The following CRLF3 variants were observed in gnomAD, a reference collection of about 807,000 sequenced individuals.
The protein encoded by CRLF3 is cytokine receptor-like factor 3.
Under a neutral mutation model 55.0 loss-of-function variants are expected in CRLF3, and 33 were observed. That is an observed-to-expected ratio of 0.60 (90% CI 0.46 to 0.80). The LOEUF is 0.80. Among genes scored for constraint, CRLF3 ranks in the 30% least tolerant of loss-of-function variants. The pLI is 0.00. For synonymous variants in CRLF3, 238 were observed against 196.8 expected (o/e 1.21, Z -1.75); for missense variants, 494 against 538.4 (o/e 0.92, Z 0.82).
chr17:30,798,071 C>T lies in CRLF3; in HGVS notation c.338-673G>A, dbSNP rs374404509. Reference sequence around the variant, plus strand: ...ATCATATATCAGATTACAAATTATTCAACAGAACAATAAAAAGAAAATGTC... The same window carrying T: ...ATCATATATCAGATTACAAATTATTTAACAGAACAATAAAAAGAAAATGTC... On this transcript the variant is annotated intron_variant, in intron 2 of 7. Transcript: ENST00000324238. 7.9e-5 allele frequency among the ~76,000 whole-genome samples: 12 copies of T among 150,984 alleles called. 1 individual carries two copies. The highest frequency in any genetic ancestry group is 2.7e-4 in the African/African-American group (11 of 41,142).
chr17:30,793,672 C>A lies in CRLF3; in HGVS notation c.604G>T (p.Val202Leu). The A allele has an allele frequency of 6.2e-7, 1 of 1,603,260 alleles. No homozygotes were observed. The highest frequency in any genetic ancestry group is 8.5e-7 in the Non-Finnish European group (1 of 1,171,646). Residue 202 changes from valine to leucine, a missense_variant and splice_region_variant, in exon 5 of 8, where the codon GTG (valine) becomes TTG (leucine). Physicochemically the swap from Val to Leu is conservative, Grantham distance 32. Coordinates refer to ENST00000324238, the MANE Select transcript of CRLF3 (RefSeq NM_015986.4). ...PGGIIVRWCK[V>L]DDDFTAQDYR... The stretch of plus-strand genomic sequence containing the variant: ...TCTTGGGCTGTAAAGTCATCATCCA[C>A]CTAGGGAGAAAAGCTTTATGTTAGG...
chr17:30,792,257 G>A (rs762375080), intron 6 of CRLF3, 183 bp downstream of exon 6: 10 of 517,438 alleles, frequency 1.9e-5, no homozygotes, highest in Non-Finnish European at 2.8e-5. Flanking sequence ...GTTAATCTAC[G>A]TAATAACCCT....
intron 1 of CRLF3, among the ~76,000 whole-genome samples, chr17:30,814,925 C>T (rs536656686): frequency 2.0e-4 from 31 of 151,836 alleles, no homozygotes; most frequent in Middle Eastern, 3.4e-3. Context: ...CACTTGAACC[C>T]CCGGGAGGCG....
At chr17:30,794,939 A>C (rs1182264099) in intron 4 of CRLF3, among the ~76,000 whole-genome samples, 1 of 152,204 alleles carries the variant, frequency 6.6e-6, no homozygotes, top group Non-Finnish European at 1.5e-5. Context: ...ATCTTGTGGA[A>C]AGTTTGTTAT....
rs76715566 is a variant in CRLF3, at chr17:30,812,968, T to C, written c.130-8860A>G. ...CTAATACTAAGTCTCCAAATATAAA[T>C]GAATGTTCTCTGTCAGACATTCCAG... On this transcript the variant is annotated intron_variant, in intron 1 of 7. Coordinates refer to ENST00000324238, the MANE Select transcript of CRLF3 (RefSeq NM_015986.4). Among the ~76,000 whole-genome samples, 1,321 of 152,220 alleles carry C rather than the reference T, an allele frequency of 8.7e-3. 20 individuals carry two copies. Among genetic ancestry groups the C allele is most frequent in the African/African-American group, 0.03 (1,243 of 41,540 alleles).
At chr17:30,785,017 G>A (rs75077758) in intron 7 of CRLF3, 19,232 of 151,644 alleles carry the variant, frequency 0.13, 1,271 homozygotes, top group South Asian at 0.25. Flanking sequence ...CAAAGTGCTA[G>A]GATTACAGGC....
chr17:30,822,807 A>G (rs1210177326), intron 1 of CRLF3, among the ~76,000 whole-genome samples: 1 of 152,220 alleles, frequency 6.6e-6, no homozygotes, highest in Admixed American at 6.6e-5. Flanking sequence ...TCATGGTCAT[A>G]TAGAATACAT....
chr17:30,798,857 A>C (rs1170929194), intron 2 of CRLF3, among the ~76,000 whole-genome samples: 1 of 151,660 alleles, frequency 6.6e-6, no homozygotes, highest in Non-Finnish European at 1.5e-5. Context: ...GTAAATAAAT[A>C]AATAAAATCC....
chr17:30,807,433 A>AAAAATGCCCAT (rs1904441743), intron 1 of CRLF3, among the ~76,000 whole-genome samples: 1 of 152,066 alleles, frequency 6.6e-6, no homozygotes, highest in Non-Finnish European at 1.5e-5. Flanking sequence ...TGTAAAAACA[A>AAAAATGCCCAT]AAAATGCCCA....
At chr17:30,822,300 CAT>C (rs1268616869) in intron 1 of CRLF3, among the ~76,000 whole-genome samples, 1 of 152,040 alleles carries the variant, frequency 6.6e-6, no homozygotes, top group Non-Finnish European at 1.5e-5. Flanking sequence ...ATTTTTGTAC[CAT>C]AGACCTTCCT....
rs116756956 is a variant in CRLF3, at chr17:30,808,090, T to C, written c.130-3982A>G. 3.9e-5 allele frequency among the ~76,000 whole-genome samples: 6 copies of C among 152,154 alleles called. No homozygotes were observed. The East Asian group carries it at 1.2e-3, about 29-fold the overall frequency. On this transcript the variant is annotated intron_variant, in intron 1 of 7. Coordinates refer to ENST00000324238, the MANE Select transcript of CRLF3 (RefSeq NM_015986.4). Reference sequence around the variant, plus strand: ...CATAGCATCTGGTAAACAAATGCTGTTGAGTGAAAACGCAGTTAATCATGT... The same window carrying C: ...CATAGCATCTGGTAAACAAATGCTGCTGAGTGAAAACGCAGTTAATCATGT...
chr17:30,795,720 GAGGTCAGGAGTTCA>G (rs1278179166), intron 4 of CRLF3, among the ~76,000 whole-genome samples: 1 of 152,086 alleles, frequency 6.6e-6, no homozygotes, highest in Admixed American at 6.6e-5. Flanking sequence ...TGGGTCACCT[GAGGTCAGGAGTTCA>G]AGAACAGCCT....
At chr17:30,802,344 T>C (rs543300849) in intron 2 of CRLF3, among the ~76,000 whole-genome samples, 1 of 152,202 alleles carries the variant, frequency 6.6e-6, no homozygotes, top group East Asian at 1.9e-4. Context: ...ATGGTCTTGA[T>C]CTCCTGACCT....
rs560422082 is a variant in CRLF3 at position 30,808,583 on chromosome 17, C to T, written c.130-4475G>A. Among the ~76,000 whole-genome samples, 6 of 151,110 alleles carry T rather than the reference C, an allele frequency of 4.0e-5. No individual in the cohort carries two copies. The East Asian group carries it at 1.2e-3, about 29-fold the overall frequency. On this transcript the variant is annotated intron_variant, in intron 1 of 7. Coordinates refer to ENST00000324238, the MANE Select transcript of CRLF3 (RefSeq NM_015986.4). ...AATTACAGGCGTGAGCCAACGCGCC[C>T]AGCCAAACCTGTATATATATATATT...
rs1310142712 is a variant in CRLF3, at chr17:30,784,453, TAAGGTA to T, written c.1073-16_1073-11del. The stretch of plus-strand genomic sequence containing the variant: ...TTGACAAAAACTGCACCTAAAATGT[TAAGGTA>T]AAGAGTCATTTACATGTGAGCAATA... On this transcript the variant is annotated splice_polypyrimidine_tract_variant and intron_variant, in intron 7 of 7. Transcript: ENST00000324238. 30 of 1,606,766 alleles carry T rather than the reference TAAGGTA, an allele frequency of 1.9e-5. No homozygotes were observed. Among genetic ancestry groups the T allele is most frequent in the African/African-American group, 5.4e-5 (4 of 74,760 alleles).
intron 6 of CRLF3, chr17:30,786,248 C>CT: frequency 1.1e-4 from 44 of 408,512 alleles, no homozygotes; most frequent in South Asian, 2.1e-4. Flanking sequence ...GGTGCTTTTT[C>CT]TTTTTTGTTG....
chr17:30,787,970 A>AT (rs1235067232), intron 6 of CRLF3, among the ~76,000 whole-genome samples: 1 of 151,178 alleles, frequency 6.6e-6, no homozygotes, highest in Non-Finnish European at 1.5e-5. Flanking sequence ...ACTGCACTTC[A>AT]ACCTGGGCGA....
chr17:30,819,069 G>A (rs536226337), intron 1 of CRLF3, among the ~76,000 whole-genome samples: 34 of 150,892 alleles, frequency 2.3e-4, no homozygotes, highest in South Asian at 4.2e-4. Context: ...CACCCGCCTC[G>A]GCCTCCCAAA....
At chr17:30,786,221 CAA>C in intron 6 of CRLF3, 190 bp from the exon 7 acceptor site, 2 of 474,884 alleles carry the variant, frequency 4.2e-6, no homozygotes, top group Middle Eastern at 1.1e-3. Context: ...ATCATTCTTA[CAA>C]CAATCTATGA....
Sources: gnomAD v4.1 joint callset for allele counts (sites outside exome capture counted in the v4.1 genomes callset) on GRCh38, gnomAD v4.1.1 for gene constraint, MANE v1.5 for transcripts, NCBI Gene and HGNC (gene_info 2026-07-23, HGNC 2026-07-21) for gene names.